Variants in PTPRD observed in about 807,000 individuals in gnomAD.
The protein encoded by PTPRD is receptor-type tyrosine-protein phosphatase delta.
Under a neutral mutation model 214.5 loss-of-function variants are expected in PTPRD, and 34 were observed. The ratio of observed to expected loss-of-function variants is 0.16; its 90% confidence interval spans 0.12 to 0.21. PTPRD has a LOEUF of 0.21. Ranked by LOEUF, PTPRD falls within the 10% of genes least tolerant of loss-of-function variation. The probability of loss-of-function intolerance (pLI) is 1.00; values close to 1 mark genes in which losing one functional copy is unlikely to be tolerated. For missense variants in PTPRD, 2,545 were observed against 2,398.7 expected (o/e 1.06, Z -1.27); for synonymous variants, 1,128 against 845.7 (o/e 1.33, Z -5.79).
At chr9:8,984,756 G>A (rs942650829) in intron 11 of PTPRD, among the ~76,000 whole-genome samples, 4 of 152,032 alleles carry the variant, frequency 2.6e-5, no homozygotes, top group South Asian at 2.1e-4. Flanking sequence ...AGTATTTATG[G>A]TGCCACTTGG....
At chr9:8,949,148 C>T (rs1380989635) in intron 11 of PTPRD, among the ~76,000 whole-genome samples, 7 of 149,320 alleles carry the variant, frequency 4.7e-5, no homozygotes, top group African/African-American at 1.2e-4. Context: ...CGCTTGAACC[C>T]GGGAGGTGGA....
At chr9:9,816,283 C>T (rs1043382882) in intron 5 of PTPRD, among the ~76,000 whole-genome samples, 1 of 152,006 alleles carries the variant, frequency 6.6e-6, no homozygotes, top group South Asian at 2.1e-4. Flanking sequence ...TCAATATATT[C>T]AAACCTAGAA....
chr9:9,169,474 G>A (rs1348549520), intron 10 of PTPRD, among the ~76,000 whole-genome samples: 3 of 152,096 alleles, frequency 2.0e-5, no homozygotes, highest in African/African-American at 4.8e-5. Flanking sequence ...AAAGTTAGGA[G>A]ATTAAATGAG....
intron 14 of PTPRD, among the ~76,000 whole-genome samples, chr9:8,602,887 T>A (rs555983864): frequency 6.7e-4 from 102 of 152,350 alleles, no homozygotes; most frequent in South Asian, 5.6e-3. Context: ...CATATACTCA[T>A]TCAACTAATT....
chr9:8,658,400 T>C (rs1433354406), intron 12 of PTPRD, among the ~76,000 whole-genome samples: 1 of 152,180 alleles, frequency 6.6e-6, no homozygotes. Context: ...TCCTATTAAA[T>C]TGTTCTGACC....
intron 7 of PTPRD, among the ~76,000 whole-genome samples, chr9:9,632,355 G>GA (rs1444640022): frequency 9.0e-5 from 13 of 145,052 alleles, no homozygotes; most frequent in Admixed American, 5.4e-4. Context: ...GAAATGTCCA[G>GA]AATAGGCAAA....
intron 14 of PTPRD, among the ~76,000 whole-genome samples, chr9:8,592,489 C>T (rs927127519): frequency 1.3e-5 from 2 of 152,170 alleles, no homozygotes; most frequent in African/African-American, 4.8e-5. Context: ...CAGCTCTTTA[C>T]TTGCAGAGTA....
At chr9:9,040,198 G>A (rs893418183) in intron 10 of PTPRD, among the ~76,000 whole-genome samples, 6 of 152,156 alleles carry the variant, frequency 3.9e-5, no homozygotes, top group African/African-American at 7.2e-5. Flanking sequence ...TGGAATTGGA[G>A]GCTTGGAAAA....
intron 11 of PTPRD, among the ~76,000 whole-genome samples, chr9:8,753,017 TACTC>T (rs2093672407): frequency 6.6e-6 from 1 of 152,216 alleles, no homozygotes; most frequent in Admixed American, 6.5e-5. Context: ...CTACTTTAAA[TACTC>T]AGGTAGGTAA....
rs190624793 is a variant in PTPRD at position 9,317,325 on chromosome 9, A to G, written c.-203+80124T>C. Among the ~76,000 whole-genome samples, 422 of 152,306 alleles carry G rather than the reference A, an allele frequency of 2.8e-3. 1 individual carries two copies. Among genetic ancestry groups the G allele is most frequent in the African/African-American group, 9.7e-3 (402 of 41,572 alleles). ...TCCCATTCATTCAACCACCTGCTAA[A>G]TATCTCTTTTCCCTTGGAAGTTTCA... On this transcript the variant is annotated intron_variant, in intron 9 of 45. Transcript: ENST00000381196.
At chr9:10,102,028 AT>A (rs2098556222) in intron 3 of PTPRD, among the ~76,000 whole-genome samples, 1 of 151,756 alleles carries the variant, frequency 6.6e-6, no homozygotes, top group South Asian at 2.1e-4. Flanking sequence ...CACATTTGTA[AT>A]TTATATTTTA....
At chr9:9,408,191 T>A (rs115119757) in intron 8 of PTPRD, among the ~76,000 whole-genome samples, 2 of 151,904 alleles carry the variant, frequency 1.3e-5, no homozygotes, top group Admixed American at 1.3e-4. Flanking sequence ...TTTTTGTTTT[T>A]CATTGTTTTC....
intron 11 of PTPRD, among the ~76,000 whole-genome samples, chr9:8,940,141 T>C (rs7047447): frequency 0.49 from 74,319 of 151,378 alleles, 18,738 homozygotes; most frequent in East Asian, 0.76. Context: ...TATTTCAGTC[T>C]GTCAAGACCT....
At chr9:9,501,509 C>T (rs900072977) in intron 8 of PTPRD, among the ~76,000 whole-genome samples, 4 of 151,394 alleles carry the variant, frequency 2.6e-5, no homozygotes, top group Non-Finnish European at 4.4e-5. Context: ...ACAACTAGCC[C>T]CTCAAAAAAT....
intron 2 of PTPRD, among the ~76,000 whole-genome samples, chr9:10,374,178 T>C (rs2154479348): frequency 6.6e-6 from 1 of 152,196 alleles, no homozygotes; most frequent in Admixed American, 6.6e-5. Flanking sequence ...TTAAAAAATT[T>C]CCCTTTCTGG....
intron 8 of PTPRD, among the ~76,000 whole-genome samples, chr9:9,505,160 C>T (rs1441374921): frequency 1.3e-5 from 2 of 151,556 alleles, no homozygotes; most frequent in African/African-American, 4.8e-5. Context: ...CCTAATAAAT[C>T]ATTTGCATGT....
intron 10 of PTPRD, among the ~76,000 whole-genome samples, chr9:9,158,153 G>A (rs537857274): frequency 5.3e-5 from 8 of 152,158 alleles, no homozygotes; most frequent in African/African-American, 1.9e-4. Flanking sequence ...CGACTTTGCT[G>A]TTGTAAATAG....
chr9:9,494,162 T>C (rs550497845), intron 8 of PTPRD, among the ~76,000 whole-genome samples: 10 of 152,188 alleles, frequency 6.6e-5, no homozygotes, highest in Non-Finnish European at 1.5e-4. Context: ...AGGAGTTGCT[T>C]CTTATAAGTG....
At chr9:9,017,789 T>C (rs2099542589) in intron 11 of PTPRD, among the ~76,000 whole-genome samples, 1 of 152,166 alleles carries the variant, frequency 6.6e-6, no homozygotes, top group South Asian at 2.1e-4. Context: ...ACCATTCAAG[T>C]TGTAGTTTAA....
Sources: allele counts gnomAD v4.1 joint callset (sites outside exome capture counted in the v4.1 genomes callset), GRCh38; gene constraint gnomAD v4.1.1; transcripts MANE v1.5; gene names NCBI Gene and HGNC (gene_info 2026-07-23, HGNC 2026-07-21).